Variants in RBMS3 observed in about 807,000 individuals in gnomAD.
The protein encoded by RBMS3 is RNA binding motif single stranded interacting protein 3, also known as RNA-binding motif, single-stranded-interacting protein 3.
A neutral mutation model predicts 66.8 loss-of-function variants in RBMS3; 27 were observed. That is an observed-to-expected ratio of 0.40 (90% CI 0.30 to 0.56). The LOEUF (loss-of-function observed/expected upper bound fraction) is 0.56. Ranked by LOEUF, RBMS3 falls within the 20% of genes least tolerant of loss-of-function variation. RBMS3 has a pLI of 0.40. For missense variants in RBMS3, 513 were observed against 549.5 expected (o/e 0.93, Z 0.66); for synonymous variants, 188 against 183.0 (o/e 1.03, Z -0.22).
intron 11 of RBMS3, 31 bp from the exon 12 acceptor site, chr3:29,944,176 G>A (rs1376141886): frequency 1.3e-6 from 2 of 1,542,520 alleles, no homozygotes; most frequent in Non-Finnish European, 1.8e-6. Context: ...GTACTTCATT[G>A]CATTCTTTCT....
chr3:29,290,269 G>C (rs2032708916), intron 1 of RBMS3, among the ~76,000 whole-genome samples: 1 of 151,834 alleles, frequency 6.6e-6, no homozygotes. Flanking sequence ...AGTAGGTGAA[G>C]TATTTGAAGT....
intron 1 of RBMS3, among the ~76,000 whole-genome samples, chr3:29,392,732 C>A (rs2039358163): frequency 2.0e-5 from 3 of 152,056 alleles, no homozygotes; most frequent in Admixed American, 2.0e-4. Flanking sequence ...CACAGACACA[C>A]AAACACACAT....
At chr3:29,876,917 G>A (rs890365479) in intron 7 of RBMS3, among the ~76,000 whole-genome samples, 2 of 152,118 alleles carry the variant, frequency 1.3e-5, no homozygotes, top group African/African-American at 4.8e-5. Context: ...AAGGTAACAG[G>A]ATGCTGCTGA....
intron 3 of RBMS3, among the ~76,000 whole-genome samples, chr3:29,510,799 C>T (rs941687667): frequency 1.3e-5 from 2 of 152,124 alleles, no homozygotes; most frequent in Admixed American, 1.3e-4. Context: ...GTTATGTTAG[C>T]ATTGTTTATT....
intron 3 of RBMS3, among the ~76,000 whole-genome samples, chr3:29,578,601 TTAGA>T (rs1241333708): frequency 3.3e-5 from 5 of 151,894 alleles, no homozygotes; most frequent in Admixed American, 2.6e-4. Flanking sequence ...ACAATTGTAG[TTAGA>T]TAGAACCTTT....
chr3:29,783,742 A>G (rs544271076), intron 6 of RBMS3, among the ~76,000 whole-genome samples: 14 of 152,158 alleles, frequency 9.2e-5, no homozygotes, highest in Non-Finnish European at 2.1e-4. Flanking sequence ...CACTTAAAAG[A>G]TACAGAATGG....
At chr3:29,340,942 A>C (rs557205907) in intron 1 of RBMS3, among the ~76,000 whole-genome samples, 12 of 152,200 alleles carry the variant, frequency 7.9e-5, no homozygotes, top group African/African-American at 2.6e-4. Flanking sequence ...AAATTAATTT[A>C]AACTTAGTTT....
intron 3 of RBMS3, among the ~76,000 whole-genome samples, chr3:29,531,808 C>T (rs980296345): frequency 3.3e-5 from 5 of 152,128 alleles, no homozygotes; most frequent in African/African-American, 1.2e-4. Flanking sequence ...ACTTCAGGAA[C>T]AAAAATAGAA....
chr3:29,985,555 T>G (rs972157782), intron 12 of RBMS3, among the ~76,000 whole-genome samples: 1 of 152,146 alleles, frequency 6.6e-6, no homozygotes, highest in Non-Finnish European at 1.5e-5. Flanking sequence ...CCAGAATGCA[T>G]GTTCCTTACC....
At chr3:29,664,087 A>T (rs1164481038) in intron 4 of RBMS3, among the ~76,000 whole-genome samples, 1 of 152,200 alleles carries the variant, frequency 6.6e-6, no homozygotes, top group African/African-American at 2.4e-5. Flanking sequence ...TCTGATCATG[A>T]ATTTCACCAC....
chr3:29,760,710 C>T (rs2055641367), intron 5 of RBMS3, among the ~76,000 whole-genome samples: 2 of 151,070 alleles, frequency 1.3e-5, no homozygotes, highest in African/African-American at 4.9e-5. Flanking sequence ...AAAGGTTCCA[C>T]TGGAAAGGAA....
intron 1 of RBMS3, among the ~76,000 whole-genome samples, chr3:29,308,455 G>A (rs960574718): frequency 4.0e-5 from 6 of 151,656 alleles, no homozygotes; most frequent in Non-Finnish European, 8.8e-5. Context: ...AACGTATAAG[G>A]GAGCTAAATC....
chr3:29,558,391 G>A lies in RBMS3; in HGVS notation c.308-28723G>A, dbSNP rs140613111. Among the ~76,000 whole-genome samples the A allele has an allele frequency of 1.2e-3, 184 of 152,212 alleles. No homozygotes were observed. The Middle Eastern group carries it at 0.02, about 17-fold the overall frequency. ...ATTACAGGGGCTGACCATGATCCAGGCAACATTATTTAAAGGACAATTAGA... is the reference window on the plus strand; with the variant it reads ...ATTACAGGGGCTGACCATGATCCAGACAACATTATTTAAAGGACAATTAGA... On this transcript the variant is annotated intron_variant, in intron 3 of 14. Coordinates refer to ENST00000383767, the MANE Select transcript of RBMS3 (RefSeq NM_001003793.3).
chr3:29,501,020 C>T (rs1019851667), intron 3 of RBMS3, among the ~76,000 whole-genome samples: 1 of 152,144 alleles, frequency 6.6e-6, no homozygotes, highest in African/African-American at 2.4e-5. Flanking sequence ...TAAGCATCTG[C>T]TATGTTACAT....
At chr3:29,527,894 T>C (rs2045195646) in intron 3 of RBMS3, among the ~76,000 whole-genome samples, 1 of 150,436 alleles carries the variant, frequency 6.6e-6, no homozygotes, top group South Asian at 2.1e-4. Context: ...TGTGCACATG[T>C]ACCCTAGAAC....
At chr3:29,454,059 T>A (rs978698260) in intron 2 of RBMS3, among the ~76,000 whole-genome samples, 1 of 152,078 alleles carries the variant, frequency 6.6e-6, no homozygotes, top group African/African-American at 2.4e-5. Flanking sequence ...GGAAAAAAAA[T>A]TTCTTCCCTA....
intron 6 of RBMS3, among the ~76,000 whole-genome samples, chr3:29,827,912 A>G (rs947208622): frequency 6.6e-6 from 1 of 152,200 alleles, no homozygotes; most frequent in African/African-American, 2.4e-5. Flanking sequence ...TAAATGCTTC[A>G]CTAATGGTAA....
chr3:29,410,888 G>A (rs1227152471), intron 1 of RBMS3, among the ~76,000 whole-genome samples: 1 of 151,802 alleles, frequency 6.6e-6, no homozygotes, highest in East Asian at 1.9e-4. Flanking sequence ...GAAAGACAGG[G>A]GCACGGTGAT....
intron 3 of RBMS3, among the ~76,000 whole-genome samples, chr3:29,490,311 G>A (rs2043494659): frequency 6.6e-6 from 1 of 151,962 alleles, no homozygotes; most frequent in African/African-American, 2.4e-5. Context: ...TAAAGCCATA[G>A]TACAATAGAG....
Sources: gnomAD v4.1 joint callset for allele counts (sites outside exome capture counted in the v4.1 genomes callset) on GRCh38, gnomAD v4.1.1 for gene constraint, MANE v1.5 for transcripts, NCBI Gene and HGNC (gene_info 2026-07-23, HGNC 2026-07-21) for gene names.